Variants in DIP2C observed in about 807,000 individuals in gnomAD.
DIP2C encodes disco-interacting protein 2 homolog C.
Under a neutral mutation model 192.4 loss-of-function variants are expected in DIP2C, and 33 were observed. That is an observed-to-expected ratio of 0.17 (90% CI 0.13 to 0.23). The LOEUF (loss-of-function observed/expected upper bound fraction) is 0.23. Among genes scored for constraint, DIP2C ranks in the 10% least tolerant of loss-of-function variants. DIP2C has a pLI of 1.00. For synonymous variants in DIP2C, 979 were observed against 864.1 expected (o/e 1.13, Z -2.33); for missense variants, 1,537 against 2,110.1 (o/e 0.73, Z 5.32).
chr10:651,339 AC>A lies in DIP2C; in HGVS notation c.85+38154del. 2.8e-6 allele frequency: 2 copies of A among 703,416 alleles called. No homozygotes were observed. The highest frequency in any genetic ancestry group is 2.3e-4 in the Middle Eastern group (1 of 4,370). 43.6% of individuals were successfully genotyped at this position (703,416 alleles called of 1,614,324 possible). A position where few individuals can be genotyped will look rare whatever the true frequency, so the allele number is the denominator to read the frequency against. Reference sequence around the variant, plus strand: ...GACACGATCCCATCAGGAACCACCTACTTTTGCATCCCCAGCACTGTGCTCA... The same window carrying A: ...GACACGATCCCATCAGGAACCACCTATTTTGCATCCCCAGCACTGTGCTCA... On this transcript the variant is annotated intron_variant, in intron 1 of 36. Transcript: ENST00000280886. The surrounding 1 kb of genome is among the most constrained non-coding windows in gnomAD (Gnocchi z 4.1).
intron 1 of DIP2C, among the ~76,000 whole-genome samples, chr10:534,513 G>T (rs956001634): frequency 1.3e-5 from 2 of 152,104 alleles, no homozygotes; most frequent in Non-Finnish European, 2.9e-5. Flanking sequence ...ATACAACATC[G>T]GTGTTTTGCT....
chr10:514,233 G>T (rs1846211220), intron 1 of DIP2C, among the ~76,000 whole-genome samples: 1 of 151,946 alleles, frequency 6.6e-6, no homozygotes, highest in Non-Finnish European at 1.5e-5. Flanking sequence ...ACTCTAGCCA[G>T]GAGAGCGTAT....
chr10:356,602 C>A (rs528868926), intron 23 of DIP2C, 96 bp from the exon 24 acceptor site: 8 of 1,016,530 alleles, frequency 7.9e-6, no homozygotes, highest in Admixed American at 2.3e-5. Flanking sequence ...CCCATAGAGG[C>A]TGAGTGCTTT....
chr10:374,563 G>C (rs559415383), intron 17 of DIP2C, among the ~76,000 whole-genome samples: 1 of 152,360 alleles, frequency 6.6e-6, no homozygotes, highest in East Asian at 1.9e-4. Context: ...GCCAATCTCA[G>C]TCTGGCTTCA....
chr10:337,969 CGT>C (rs922684879), intron 29 of DIP2C, among the ~76,000 whole-genome samples: 13 of 72,546 alleles, frequency 1.8e-4, no homozygotes, highest in Non-Finnish European at 2.8e-4. Context: ...TGTGTGTGTG[CGT>C]GTGTGTGTGT....
intron 33 of DIP2C, among the ~76,000 whole-genome samples, chr10:288,123 C>T (rs3131998): frequency 0.68 from 102,956 of 152,084 alleles, 35,346 homozygotes; most frequent in Admixed American, 0.74. Context: ...AGGCTGAAGG[C>T]ACCAGGGCCT....
intron 1 of DIP2C, among the ~76,000 whole-genome samples, chr10:580,249 A>G (rs926189011): frequency 1.3e-5 from 2 of 152,182 alleles, no homozygotes; most frequent in African/African-American, 2.4e-5. Context: ...ATACATGTGT[A>G]AAGTATGTAC....
chr10:540,954 C>T (rs1483987092), intron 1 of DIP2C, among the ~76,000 whole-genome samples: 6 of 152,186 alleles, frequency 3.9e-5, no homozygotes, highest in Admixed American at 1.3e-4. Flanking sequence ...AGGTGGTGGT[C>T]GTGCTACACG....
At chr10:546,813 T>C (rs1322059832) in intron 1 of DIP2C, among the ~76,000 whole-genome samples, 1 of 152,078 alleles carries the variant, frequency 6.6e-6, no homozygotes, top group Non-Finnish European at 1.5e-5. Flanking sequence ...CACATCAATA[T>C]CACCACTGAT....
At chr10:617,202 C>T (rs1415659414) in intron 1 of DIP2C, among the ~76,000 whole-genome samples, 1 of 151,262 alleles carries the variant, frequency 6.6e-6, no homozygotes, top group Non-Finnish European at 1.5e-5. Context: ...TCTCAGCCGC[C>T]CCCTGAAATA....
At chr10:278,767 C>T (rs1444718972) in intron 36 of DIP2C, among the ~76,000 whole-genome samples, 3 of 152,154 alleles carry the variant, frequency 2.0e-5, no homozygotes, top group Non-Finnish European at 4.4e-5. Context: ...AGCAAAAACC[C>T]GGTGCTTTAC....
At chr10:328,687 C>T (rs762817473) in intron 30 of DIP2C, among the ~76,000 whole-genome samples, 4 of 152,126 alleles carry the variant, frequency 2.6e-5, no homozygotes, top group Non-Finnish European at 5.9e-5. Flanking sequence ...ATTAGGAAAA[C>T]AATGCAGGAC....
chr10:571,564 T>G (rs1849816008), intron 1 of DIP2C, among the ~76,000 whole-genome samples: 1 of 151,668 alleles, frequency 6.6e-6, no homozygotes, highest in Non-Finnish European at 1.5e-5. Context: ...CCTTCCTCAC[T>G]GCACTTCCCC....
intron 29 of DIP2C, among the ~76,000 whole-genome samples, chr10:337,458 T>C: frequency 7.3e-6 from 1 of 136,818 alleles, no homozygotes; most frequent in South Asian, 2.5e-4. Context: ...GCGTGTGTGT[T>C]GTGGAGGCCT....
intron 1 of DIP2C, among the ~76,000 whole-genome samples, chr10:498,995 T>G (rs1845045809): frequency 6.6e-6 from 1 of 152,240 alleles, no homozygotes; most frequent in African/African-American, 2.4e-5. Context: ...GGAGAACAAC[T>G]TCTGCTTTCC....
chr10:379,500 G>C (rs1008000446), intron 17 of DIP2C, among the ~76,000 whole-genome samples: 1 of 152,164 alleles, frequency 6.6e-6, no homozygotes, highest in African/African-American at 2.4e-5. Context: ...CCTGGACCTT[G>C]ACGCCTGGAA....
chr10:319,216 T>C (rs543086420), intron 31 of DIP2C, among the ~76,000 whole-genome samples: 1 of 152,300 alleles, frequency 6.6e-6, no homozygotes, highest in East Asian at 1.9e-4. Context: ...CCTGGCTCAC[T>C]TCTTTCAACA....
rs1956499923 is a variant in DIP2C, at chr10:309,944, CTCT to C, written c.3986+84_3986+86del. 5 of 1,299,816 alleles carry C rather than the reference CTCT, an allele frequency of 3.8e-6. No homozygotes were observed. In the African/African-American group the frequency reaches 4.4e-5, roughly 11 times the overall value. The allele number at this position is 1,299,816 out of a possible 1,614,324, so 80.5% of individuals were successfully genotyped here. On this transcript the variant is annotated intron_variant, in intron 32 of 36. Transcript: ENST00000280886. ...CTGGGCAGATAAACATCGTGTGCAC[CTCT>C]TCTTCTAGATGGAGACCTGCATGCA...
At chr10:529,626 G>A (rs999327454) in intron 1 of DIP2C, among the ~76,000 whole-genome samples, 1 of 152,188 alleles carries the variant, frequency 6.6e-6, no homozygotes, top group Non-Finnish European at 1.5e-5. Flanking sequence ...AACGATCAGG[G>A]TGGGAGGGCA....
Sources: gnomAD v4.1 joint callset for allele counts (sites outside exome capture counted in the v4.1 genomes callset) on GRCh38, gnomAD v4.1.1 for gene constraint, Gnocchi (gnomAD v3.1) non-coding constraint, MANE v1.5 for transcripts, NCBI Gene and HGNC (gene_info 2026-07-23, HGNC 2026-07-21) for gene names.